The following IFT88 variants were observed in gnomAD, a reference collection of about 807,000 sequenced individuals.
IFT88 encodes the protein intraflagellar transport protein 88 homolog.
Under a neutral mutation model 119.5 loss-of-function variants are expected in IFT88, and 74 were observed. The ratio of observed to expected loss-of-function variants is 0.62; its 90% CI spans 0.51 to 0.75. The LOEUF (loss-of-function observed/expected upper bound fraction) is 0.75, where lower values mean the gene tolerates loss of function less well. Ranked by LOEUF, IFT88 falls within the 30% of genes least tolerant of loss-of-function variation. The pLI, the probability that IFT88 is intolerant of heterozygous loss-of-function variation, is 0.00. For missense variants in IFT88, 961 were observed against 977.7 expected (o/e 0.98, Z 0.23); for synonymous variants, 279 against 316.7 (o/e 0.88, Z 1.26).
At chr13:20,606,914 T>C (rs182821250) in intron 13 of IFT88, among the ~76,000 whole-genome samples, 1 of 152,000 alleles carries the variant, frequency 6.6e-6, no homozygotes. Context: ...TAAAATAGTG[T>C]GAATAGCCCT....
intron 17 of IFT88, among the ~76,000 whole-genome samples, chr13:20,639,057 G>A (rs995195859): frequency 1.3e-5 from 2 of 152,072 alleles, no homozygotes; most frequent in East Asian, 1.9e-4. Flanking sequence ...GCCTTTCAGC[G>A]GTTGCCTGAA....
intron 1 of IFT88, among the ~76,000 whole-genome samples, chr13:20,571,274 G>A (rs373632944): frequency 1.3e-5 from 2 of 152,206 alleles, no homozygotes; most frequent in African/African-American, 4.8e-5. Context: ...GATTATAGGC[G>A]TGAGCCACTG....
chr13:20,605,556 CT>C (rs1286032491), intron 13 of IFT88, among the ~76,000 whole-genome samples: 1 of 152,156 alleles, frequency 6.6e-6, no homozygotes, highest in Non-Finnish European at 1.5e-5. Context: ...GGTACTACAA[CT>C]TGTTTCTACT....
intron 21 of IFT88, among the ~76,000 whole-genome samples, chr13:20,655,461 A>G (rs1468429935): frequency 6.6e-6 from 1 of 151,902 alleles, no homozygotes; most frequent in Non-Finnish European, 1.5e-5. Context: ...AAAACAAAAA[A>G]AACCACACAT....
intron 18 of IFT88, 60 bp downstream of exon 18, chr13:20,641,458 C>A (rs1463703918): frequency 4.0e-6 from 4 of 989,730 alleles, no homozygotes; most frequent in South Asian, 2.9e-5. Context: ...GATTGAAGAT[C>A]AATTATTAAA....
At chr13:20,587,698 A>T (rs1022204975) in intron 3 of IFT88, among the ~76,000 whole-genome samples, 2 of 152,106 alleles carry the variant, frequency 1.3e-5, no homozygotes, top group African/African-American at 4.8e-5. Context: ...ACTGAGCCTT[A>T]TATTGTTATG....
intron 23 of IFT88, among the ~76,000 whole-genome samples, chr13:20,667,005 G>A (rs749828058): frequency 1.3e-5 from 2 of 152,016 alleles, no homozygotes; most frequent in African/African-American, 2.4e-5. Context: ...CACCCACTTC[G>A]CAGAATAACA....
chr13:20,690,587 C>A, intron 24 of IFT88, 118 bp from the exon 25 acceptor site: 1 of 641,086 alleles, frequency 1.6e-6, no homozygotes, highest in Non-Finnish European at 2.8e-6. Context: ...AAGAAGCTGG[C>A]TTCCAAATTA....
At chr13:20,657,297 T>C (rs1269066494) in intron 22 of IFT88, among the ~76,000 whole-genome samples, 1 of 152,206 alleles carries the variant, frequency 6.6e-6, no homozygotes, top group African/African-American at 2.4e-5. Context: ...ACAGTAATAA[T>C]GTGAAGTATT....
chr13:20,623,297 T>G (rs2046811980), intron 14 of IFT88, among the ~76,000 whole-genome samples: 2 of 152,164 alleles, frequency 1.3e-5, no homozygotes, highest in Non-Finnish European at 2.9e-5. Context: ...CTATTTGGAG[T>G]CCCTTGAAAT....
At chr13:20,645,074 C>G (rs2050529994) in intron 20 of IFT88, 116 bp downstream of exon 20, 4 of 521,000 alleles carry the variant, frequency 7.7e-6, no homozygotes, top group East Asian at 3.0e-5. Context: ...GATGGACATT[C>G]ATAAATTATT....
intron 20 of IFT88, among the ~76,000 whole-genome samples, chr13:20,652,116 T>C (rs1164655275): frequency 1.3e-5 from 2 of 152,196 alleles, no homozygotes; most frequent in South Asian, 4.1e-4. Context: ...TTCTGTTTGG[T>C]GTCATAAAAT....
intron 1 of IFT88, among the ~76,000 whole-genome samples, chr13:20,569,070 A>G (rs139560302): frequency 1.1e-3 from 170 of 152,232 alleles, no homozygotes; most frequent in Admixed American, 4.1e-3. Flanking sequence ...TATGTGGGTG[A>G]CATTTGCCCT....
chr13:20,589,338 A>G (rs1036435373), intron 3 of IFT88, among the ~76,000 whole-genome samples: 2 of 152,180 alleles, frequency 1.3e-5, no homozygotes, highest in African/African-American at 2.4e-5. Flanking sequence ...ATTTGATTCT[A>G]ACTACAATTT....
intron 24 of IFT88, among the ~76,000 whole-genome samples, chr13:20,673,189 T>TC (rs2056164720): frequency 6.6e-6 from 1 of 152,158 alleles, no homozygotes; most frequent in Non-Finnish European, 1.5e-5. Flanking sequence ...ACCAACCAGT[T>TC]CCTTCTAAAC....
At chr13:20,651,927 A>G (rs2140493888) in intron 20 of IFT88, among the ~76,000 whole-genome samples, 1 of 152,334 alleles carries the variant, frequency 6.6e-6, no homozygotes, top group South Asian at 2.1e-4. Flanking sequence ...ACATGCTACA[A>G]CATGGAAGGA....
At chr13:20,666,284 A>C (rs535730358) in intron 23 of IFT88, among the ~76,000 whole-genome samples, 2 of 152,340 alleles carry the variant, frequency 1.3e-5, no homozygotes, top group South Asian at 4.1e-4. Flanking sequence ...ATTTTTTGCC[A>C]GTCTGTCACT....
Position 20,643,594 on chromosome 13 carries a change from T to C in IFT88, c.1822T>C (p.Tyr608His). ...REGDKSQAFQ[Y>H]YYESYRYFPC... ...AGGAGATAAATCTCAAGCATTTCAA[T>C]ATTACTATGAGGTAGGTGTGTTATC... is the stretch of plus-strand genomic sequence containing the variant. The change falls in exon 19 of 26, where the codon TAT becomes CAT. Residue 608 changes from tyrosine to histidine, a missense_variant. Transcript: ENST00000351808. 6.2e-7 allele frequency: 1 copy of C among 1,600,068 alleles called. No homozygotes were observed. Among genetic ancestry groups the C allele is most frequent in the Non-Finnish European group, 8.5e-7 (1 of 1,171,492 alleles).
intron 2 of IFT88, among the ~76,000 whole-genome samples, chr13:20,580,165 C>G (rs2038271974): frequency 6.6e-6 from 1 of 152,086 alleles, no homozygotes; most frequent in Admixed American, 6.6e-5. Flanking sequence ...TCTCATGATA[C>G]TAAATATTTG....
Sources: allele counts gnomAD v4.1 joint callset (sites outside exome capture counted in the v4.1 genomes callset), GRCh38; gene constraint gnomAD v4.1.1; transcripts MANE v1.5; gene names NCBI Gene and HGNC (gene_info 2026-07-23, HGNC 2026-07-21).